The following ACTA2 variants were observed in gnomAD, a reference collection of about 807,000 sequenced individuals.
The protein encoded by ACTA2 is actin alpha 2, smooth muscle.
A neutral mutation model predicts 39.5 loss-of-function variants in ACTA2; 12 were observed. The observed-to-expected ratio is 0.30, with a 90% CI of 0.19 to 0.49. ACTA2 has a LOEUF of 0.49. ACTA2 is among the 20% of genes least tolerant of loss of function. The pLI is 0.99. For synonymous variants in ACTA2, 158 were observed against 180.6 expected (o/e 0.88, Z 1.00); for missense variants, 236 against 498.8 (o/e 0.47, Z 5.02).
At chr10:88,954,570 A>G (rs1455991334), upstream of ACTA2, among the ~76,000 whole-genome samples, 1 of 152,076 alleles carries the variant, frequency 6.6e-6, no homozygotes, top group Non-Finnish European at 1.5e-5. Context: ...AGTCCTTGCG[A>G]TCTTTATGAA....
intron 1 of ACTA2, among the ~76,000 whole-genome samples, chr10:88,978,670 A>G (rs1846633613): frequency 6.6e-6 from 1 of 152,148 alleles, no homozygotes; most frequent in South Asian, 2.1e-4. Flanking sequence ...GTTCATTTGC[A>G]CCACGGCTCC....
At chr10:88,982,407 C>T (rs1034791103) in intron 1 of ACTA2, among the ~76,000 whole-genome samples, 4 of 151,296 alleles carry the variant, frequency 2.6e-5, no homozygotes, top group African/African-American at 7.3e-5. Context: ...GAGATCTCAC[C>T]GAGCTTAAAT....
Position 88,990,743 on chromosome 10 carries a change from G to C in ACTA2, c.-24+196C>G, listed in dbSNP as rs954052275. 2 of 1,059,656 alleles carry C rather than the reference G, an allele frequency of 1.9e-6. No homozygotes were observed. Among genetic ancestry groups the C allele is most frequent in the African/African-American group, 3.1e-5 (2 of 63,966 alleles). 65.6% of individuals were successfully genotyped at this position (1,059,656 alleles called of 1,614,324 possible). ...TGACTTGGCTGGAGCCTCAGGGGCG[G>C]GCACTGGCACGGAACACACCCTGAG... On this transcript the variant is annotated intron_variant, in intron 1 of 4. Coordinates refer to the ACTA2 transcript ENST00000415557. The surrounding 1 kb of genome is among the most constrained non-coding windows in gnomAD (Gnocchi z 4.9).
chr10:88,948,619 C>T lies in ACTA2; in HGVS notation c.129+183G>A. On this transcript the variant is annotated intron_variant, in intron 2 of 8. Coordinates refer to ENST00000224784, the MANE Select transcript of ACTA2 (RefSeq NM_001613.4). ...GACTTTGTATCTGATAGATGCCCAT[C>T]AGATAATCTGTCTACATTATATGTG... 5.4e-6 allele frequency: 4 copies of T among 745,820 alleles called. No homozygotes were observed. The Admixed American group carries it at 8.6e-5, about 16-fold the overall frequency. 46.2% of individuals were successfully genotyped at this position (745,820 alleles called of 1,614,324 possible). A position where few individuals can be genotyped will look rare whatever the true frequency, so the allele number is the denominator to read the frequency against.
chr10:88,954,305 C>T (rs1416686245), upstream of ACTA2, among the ~76,000 whole-genome samples: 4 of 152,158 alleles, frequency 2.6e-5, no homozygotes, highest in African/African-American at 9.7e-5. Flanking sequence ...TAGCTTAAGA[C>T]TAAATCATAA....
At position 88,941,319 on chromosome 10, in the gene ACTA2, C is replaced by T. The variant is rs1224579608; in HGVS notation, c.526G>A (p.Ala176Thr). The change falls in exon 6 of 9, where the codon GCC becomes ACC. Residue 176 changes from alanine (A) to threonine (T), a missense_variant. By Grantham distance (58) the Ala-to-Thr change is moderately conservative (BLOSUM62 0). Coordinates refer to ENST00000224784, the MANE Select transcript of ACTA2 (RefSeq NM_001613.4). ...PIYEGYALPH[A>T]IMRLDLAGRD... ...CCAGCCAGATCCAGACGCATGATGG[C>T]ATGGGGCAAGGCATAGCCCTCATAG... The T allele has an allele frequency of 1.2e-6, 2 of 1,613,650 alleles. No individual in the cohort carries two copies. Among genetic ancestry groups the T allele is most frequent in the Non-Finnish European group, 8.5e-7 (1 of 1,179,858 alleles).
At chr10:88,946,232 G>T (rs1845945365) in intron 3 of ACTA2, among the ~76,000 whole-genome samples, 1 of 151,038 alleles carries the variant, frequency 6.6e-6, no homozygotes, top group South Asian at 2.1e-4. Flanking sequence ...CTCCTGAGTA[G>T]CTGGGACTAC....
At position 88,943,876 on chromosome 10, in the gene ACTA2, C is replaced by G; in HGVS notation, c.290G>C (p.Arg97Pro). The change falls in exon 4 of 9, where the codon CGT becomes CCT. Residue 97 changes from arginine (R) to proline (P), a missense_variant. Physicochemically the swap from Arg to Pro is moderately radical, Grantham distance 103 (BLOSUM62 -2). Coordinates refer to ENST00000224784, the MANE Select transcript of ACTA2 (RefSeq NM_001613.4). ...GGTGGGATGCTCTTCAGGGGCAACA[C>G]GAAGCTCATTGTAGAAAGAGTGGTG... ...IWHHSFYNEL[R>P]VAPEEHPTLL... The G allele has an allele frequency of 6.2e-7, 1 of 1,613,948 alleles. No homozygotes were observed. Among genetic ancestry groups the G allele is most frequent in the Non-Finnish European group, 8.5e-7 (1 of 1,179,914 alleles).
intron 4 of ACTA2, 113 bp from the exon 5 acceptor site, chr10:88,941,982 G>A: frequency 1.1e-6 from 1 of 933,326 alleles, no homozygotes; most frequent in Non-Finnish European, 1.7e-6. Flanking sequence ...TCTGGGCAGA[G>A]GAGGCCAAAG....
intron 1 of ACTA2, among the ~76,000 whole-genome samples, chr10:88,984,740 G>C (rs1403606750): frequency 6.6e-6 from 1 of 151,816 alleles, no homozygotes; most frequent in Admixed American, 6.6e-5. Context: ...GGAAGAGACA[G>C]AGTGAAAGGG....
Position 88,990,617 on chromosome 10 carries a change from T to C in ACTA2, c.-24+322A>G. The C allele has an allele frequency of 1.5e-6, 1 of 686,680 alleles. No individual in the cohort carries two copies. Among genetic ancestry groups the C allele is most frequent in the Non-Finnish European group, 2.7e-6 (1 of 376,368 alleles). 42.5% of individuals were successfully genotyped at this position (686,680 alleles called of 1,614,324 possible). A position where few individuals can be genotyped will look rare whatever the true frequency, so the allele number is the denominator to read the frequency against. ...CAGCGAGGCTTCCTTCCCATCCTCC[T>C]GACCACCGGGGCTTTTCGTGAGCTC... On this transcript the variant is annotated intron_variant, in intron 1 of 4. Transcript: ENST00000415557. The surrounding 1 kb of genome is among the most constrained non-coding windows in gnomAD (Gnocchi z 4.9).
At position 88,941,062 on chromosome 10, in the gene ACTA2, T is replaced by C. The variant is rs538745109; in HGVS notation, c.616+167A>G. On this transcript the variant is annotated intron_variant, in intron 6 of 8. Transcript: ENST00000224784. ...CCTCAAGGAAATAGTGTAATCATTT[T>C]GCAACTTCACACAGCAAAGAAAGAT... 14 of 817,952 alleles carry C rather than the reference T, an allele frequency of 1.7e-5. No homozygotes were observed. In the African/African-American group the frequency reaches 2.4e-4, roughly 14 times the overall value. 50.7% of individuals were successfully genotyped at this position (817,952 alleles called of 1,614,324 possible).
chr10:88,941,032 G>A (rs112811277), intron 6 of ACTA2, 197 bp downstream of exon 6: 34 of 657,112 alleles, frequency 5.2e-5, no homozygotes, highest in African/African-American at 4.3e-4. Flanking sequence ...GTCTATAACT[G>A]TTCTCCTCAA....
chr10:88,989,689 A>AG, intron 1 of ACTA2: 1 of 426,792 alleles, frequency 2.3e-6, no homozygotes. Flanking sequence ...GTCAACTGAG[A>AG]GGAAGCCTGA....
At chr10:88,986,294 A>G (rs12263976) in intron 1 of ACTA2, among the ~76,000 whole-genome samples, 1,777 of 152,214 alleles carry the variant, frequency 0.012, 35 homozygotes, top group African/African-American at 0.041. Flanking sequence ...GTTTGTTTTC[A>G]TAGAATATCT....
At chr10:88,967,677 A>G (rs1284289514) in intron 1 of ACTA2, among the ~76,000 whole-genome samples, 3 of 152,186 alleles carry the variant, frequency 2.0e-5, no homozygotes, top group Non-Finnish European at 2.9e-5. Context: ...ATAAAATAGA[A>G]TATTTTGTTT....
At chr10:88,944,042 GT>G (rs999763957) in intron 3 of ACTA2, 135 bp from the exon 4 acceptor site, 54 of 712,272 alleles carry the variant, frequency 7.6e-5, no homozygotes, top group Non-Finnish European at 1.1e-4. Flanking sequence ...TGTGTCCATG[GT>G]TTTATAGATG....
chr10:88,939,370 G>T, intron 7 of ACTA2, 137 bp downstream of exon 7: 1 of 1,131,004 alleles, frequency 8.8e-7, no homozygotes, highest in South Asian at 1.2e-5. Context: ...TTGAAAATGT[G>T]GCACTTTCCC....
chr10:88,970,443 G>T (rs1846412459), intron 1 of ACTA2, among the ~76,000 whole-genome samples: 1 of 152,152 alleles, frequency 6.6e-6, no homozygotes, highest in Admixed American at 6.5e-5. Flanking sequence ...GCCCCTGCTT[G>T]TTGAGGAGGG....
Sources: allele counts gnomAD v4.1 joint callset (sites outside exome capture counted in the v4.1 genomes callset), GRCh38; gene constraint gnomAD v4.1.1; non-coding constraint Gnocchi (gnomAD v3.1); transcripts MANE v1.5; gene names NCBI Gene and HGNC (gene_info 2026-07-23, HGNC 2026-07-21).